Variants in VWA3B observed in about 807,000 individuals in gnomAD.
The protein encoded by VWA3B is von Willebrand factor A domain-containing protein 3B.
A neutral mutation model predicts 158.3 loss-of-function variants in VWA3B; 138 were observed. That is an observed-to-expected ratio of 0.87 (90% CI 0.76 to 1.00). The LOEUF is 1.00. Ranked by LOEUF, VWA3B falls within the 50% of genes least tolerant of loss-of-function variation. The pLI, the probability that VWA3B is intolerant of heterozygous loss-of-function variation, is 0.00. For synonymous variants in VWA3B, 596 were observed against 587.3 expected (o/e 1.01, Z -0.21); for missense variants, 1,555 against 1,565.1 (o/e 0.99, Z 0.11).
intron 22 of VWA3B, among the ~76,000 whole-genome samples, chr2:98,288,391 A>G (rs77153659): frequency 0.039 from 5,929 of 152,292 alleles, 167 homozygotes; most frequent in Middle Eastern, 0.075. Flanking sequence ...AAGTCTGCAT[A>G]CATCACTCAA....
chr2:98,195,676 A>G (rs1681982255), intron 12 of VWA3B, among the ~76,000 whole-genome samples: 1 of 152,116 alleles, frequency 6.6e-6, no homozygotes. Flanking sequence ...ACAAGATATT[A>G]TATATATAAT....
chr2:98,233,572 T>C (rs1465923936), intron 16 of VWA3B, among the ~76,000 whole-genome samples: 1 of 152,230 alleles, frequency 6.6e-6, no homozygotes, highest in Non-Finnish European at 1.5e-5. Context: ...AATTTAGCTT[T>C]CTTAGTTCCT....
chr2:98,116,442 A>G (rs1559545355), intron 3 of VWA3B, among the ~76,000 whole-genome samples: 1 of 152,038 alleles, frequency 6.6e-6, no homozygotes, highest in Non-Finnish European at 1.5e-5. Context: ...CAAGAATGCC[A>G]ATGAGTCATG....
intron 12 of VWA3B, among the ~76,000 whole-genome samples, chr2:98,210,340 A>C (rs1417824830): frequency 6.6e-6 from 1 of 152,176 alleles, no homozygotes; most frequent in Non-Finnish European, 1.5e-5. Flanking sequence ...AGTAAGATGC[A>C]TCCTACGCTG....
chr2:98,248,247 C>T (rs1029779834), intron 19 of VWA3B, among the ~76,000 whole-genome samples: 4 of 152,062 alleles, frequency 2.6e-5, no homozygotes, highest in Non-Finnish European at 4.4e-5. Flanking sequence ...TTAGATGGCT[C>T]ATAAATTTAA....
intron 12 of VWA3B, among the ~76,000 whole-genome samples, chr2:98,209,665 G>T (rs1342801017): frequency 6.6e-6 from 1 of 152,032 alleles, no homozygotes; most frequent in African/African-American, 2.4e-5. Context: ...AAACTCTAGT[G>T]GTATGAATAG....
At chr2:98,145,935 A>C (rs1395411198) in intron 7 of VWA3B, among the ~76,000 whole-genome samples, 1 of 151,786 alleles carries the variant, frequency 6.6e-6, no homozygotes, top group Non-Finnish European at 1.5e-5. Flanking sequence ...GGATCTCGCT[A>C]TGTTTTCCAG....
At chr2:98,134,089 T>C (rs927376687) in intron 7 of VWA3B, 150 bp downstream of exon 7, 5 of 662,708 alleles carry the variant, frequency 7.5e-6, no homozygotes, top group African/African-American at 7.2e-5. Context: ...TAATGGATAT[T>C]AGTGGTGAGT....
At position 98,300,068 on chromosome 2, in the gene VWA3B, C is replaced by T. The variant is rs769972627; in HGVS notation, c.3283-11C>T. On this transcript the variant is annotated splice_polypyrimidine_tract_variant and intron_variant, in intron 24 of 27. Coordinates refer to ENST00000477737, the MANE Select transcript of VWA3B (RefSeq NM_144992.5). Reference sequence around the variant, plus strand: ...ATAAGCAAAATATTTGCTCTATGTTCTCCTCTGCAGGTTGGAGATTATGTG... The same window carrying T: ...ATAAGCAAAATATTTGCTCTATGTTTTCCTCTGCAGGTTGGAGATTATGTG... The T allele has an allele frequency of 3.1e-6, 5 of 1,614,130 alleles. No individual in the cohort carries two copies. The highest frequency in any genetic ancestry group is 4.2e-6 in the Non-Finnish European group (5 of 1,180,028).
At chr2:98,246,137 A>G (rs928697027) in intron 19 of VWA3B, among the ~76,000 whole-genome samples, 2 of 152,138 alleles carry the variant, frequency 1.3e-5, no homozygotes, top group African/African-American at 2.4e-5. Flanking sequence ...AAATGAAACA[A>G]TACAGTAAAA....
chr2:98,104,239 A>G (rs1165042172), intron 2 of VWA3B, among the ~76,000 whole-genome samples: 1 of 152,194 alleles, frequency 6.6e-6, no homozygotes, highest in Non-Finnish European at 1.5e-5. Context: ...GGTATGACTG[A>G]GGCTGGGTAA....
At chr2:98,193,748 C>A (rs1292828984) in intron 11 of VWA3B, among the ~76,000 whole-genome samples, 1 of 152,094 alleles carries the variant, frequency 6.6e-6, no homozygotes, top group Non-Finnish European at 1.5e-5. Context: ...TGCCACCACG[C>A]CCGGCTAATT....
intron 2 of VWA3B, among the ~76,000 whole-genome samples, chr2:98,114,872 C>T (rs1164986048): frequency 6.6e-6 from 1 of 152,080 alleles, no homozygotes; most frequent in Non-Finnish European, 1.5e-5. Context: ...ATAGTAGGCA[C>T]CCAATAAGGG....
chr2:98,161,260 T>A (rs1678552151), intron 7 of VWA3B, among the ~76,000 whole-genome samples: 1 of 152,252 alleles, frequency 6.6e-6, no homozygotes, highest in Admixed American at 6.5e-5. Context: ...CCTTAGGCTG[T>A]AGCCCCAATT....
chr2:98,098,809 T>C lies in VWA3B; in HGVS notation c.196+5521T>C, dbSNP rs79743704. On this transcript the variant is annotated intron_variant, in intron 2 of 27. Transcript: ENST00000477737. ...TTTGTTTCTTACTCTTTCTTTGTGA[T>C]TAAGTGATTTTTCTCTAGTAGTATG... Among the ~76,000 whole-genome samples the C allele has an allele frequency of 4.2e-4, 64 of 152,286 alleles. 1 individual carries two copies. The highest frequency in any genetic ancestry group is 1.5e-3 in the African/African-American group (63 of 41,588).
intron 2 of VWA3B, among the ~76,000 whole-genome samples, chr2:98,096,741 G>A (rs1189741738): frequency 6.6e-6 from 1 of 152,048 alleles, no homozygotes; most frequent in Non-Finnish European, 1.5e-5. Flanking sequence ...ATGATCCTTT[G>A]TATTTCTGTG....
At chr2:98,322,111 T>A in the VWA3B span, among the ~76,000 whole-genome samples, 1 of 152,226 alleles carries the variant, frequency 6.6e-6, no homozygotes, top group African/African-American at 2.4e-5. Flanking sequence ...TCCCCAGCCA[T>A]GTGGAACTGT....
chr2:98,262,302 G>T (rs1178496635), intron 21 of VWA3B, among the ~76,000 whole-genome samples: 1 of 151,718 alleles, frequency 6.6e-6, no homozygotes, highest in Non-Finnish European at 1.5e-5. Flanking sequence ...AGTCCCATTT[G>T]TCTATTTTTG....
At chr2:98,134,019 C>A in intron 7 of VWA3B, 80 bp downstream of exon 7, 2 of 1,166,460 alleles carry the variant, frequency 1.7e-6, no homozygotes, top group Non-Finnish European at 2.6e-6. Context: ...AAGTAAAGTA[C>A]GAGGGAGAGA....
Sources: allele counts gnomAD v4.1 joint callset (sites outside exome capture counted in the v4.1 genomes callset), GRCh38; gene constraint gnomAD v4.1.1; transcripts MANE v1.5; gene names NCBI Gene and HGNC (gene_info 2026-07-23, HGNC 2026-07-21).